FAM131C: variants seen among roughly 807,000 people sequenced by gnomAD.
FAM131C encodes protein FAM131C.
In FAM131C, 14 loss-of-function variants were observed where a neutral mutation model predicts 29.8. That is an observed-to-expected ratio of 0.47 (90% CI 0.31 to 0.73). The LOEUF (loss-of-function observed/expected upper bound fraction) is 0.73, where lower values mean the gene tolerates loss of function less well. Among genes scored for constraint, FAM131C ranks in the 30% least tolerant of loss-of-function variants. The pLI is 0.05. For synonymous variants in FAM131C, 86 were observed against 157.8 expected, an observed-to-expected ratio of 0.54 and a Z score of 3.41; for missense variants, 252 against 383.8, an observed-to-expected ratio of 0.66 and a Z score of 2.87.
At chr1:16,071,901 T>C in intron 1 of FAM131C, among the ~76,000 whole-genome samples, 1 of 152,082 alleles carries the variant, frequency 6.6e-6, no homozygotes, top group East Asian at 1.9e-4. Flanking sequence ...GACCCCAAGG[T>C]GCCTGATATG....
chr1:16,068,049 C>T (rs139222148), intron 1 of FAM131C, among the ~76,000 whole-genome samples: 4 of 152,328 alleles, frequency 2.6e-5, no homozygotes, highest in Non-Finnish European at 5.9e-5. Flanking sequence ...AAAGCGTCCC[C>T]TCATGCTCCT....
chr1:16,067,377 A>C (rs2023695324), intron 1 of FAM131C, among the ~76,000 whole-genome samples: 1 of 152,130 alleles, frequency 6.6e-6, no homozygotes, highest in Admixed American at 6.5e-5. Flanking sequence ...GCTGGGAGGC[A>C]GCCCGAAGGG....
chr1:16,058,536 G>C lies in FAM131C; in HGVS notation c.744C>G (p.Pro248=), dbSNP rs760727574. 4 of 1,524,784 alleles carry C rather than the reference G, an allele frequency of 2.6e-6. No homozygotes were observed. Among genetic ancestry groups the C allele is most frequent in the African/African-American group, 1.4e-5 (1 of 72,840 alleles). 94.5% of individuals were successfully genotyped at this position (1,524,784 alleles called of 1,614,324 possible). Residue 248 remains proline, a synonymous_variant, in exon 7 of 7, where the codon CCC becomes CCG. Transcript: ENST00000375662. ...SPELQHRRRL[P]GAQGPEGGTH... Reference sequence around the variant, plus strand: ...TCCCACCCTCGGGTCCTTGGGCCCCGGGCAGCCGCCGCCGATGCTGCAGCT... The same window carrying C: ...TCCCACCCTCGGGTCCTTGGGCCCCCGGCAGCCGCCGCCGATGCTGCAGCT...
At chr1:16,067,486 T>G (rs2023696368) in intron 1 of FAM131C, among the ~76,000 whole-genome samples, 3 of 152,004 alleles carry the variant, frequency 2.0e-5, no homozygotes, top group Non-Finnish European at 4.4e-5. Flanking sequence ...AGAATTCCCT[T>G]CTCAGACCTG....
At position 16,063,546 on chromosome 1, in the gene FAM131C, A is replaced by T. The variant is rs373229537; in HGVS notation, c.113T>A (p.Val38Glu). ...PDLPSGRTPT[V>E]APDCVIGKDK... ...CTTGCCAATGACACAGTCTGGAGCC[A>T]CGGTGGGAGTGCGGCCCGAGGGCAG... Residue 38 changes from valine (V) to glutamate (E), a missense_variant, in exon 2 of 7, where the codon GTG becomes GAG. Around this residue, in one of 6 missense-constraint regions of FAM131C, gnomAD observed 76 missense variants for 62.8 expected, o/e 1.21. Transcript: ENST00000375662. 6.2e-7 allele frequency: 1 copy of T among 1,613,720 alleles called. No individual in the cohort carries two copies. The highest frequency in any genetic ancestry group is 8.5e-7 in the Non-Finnish European group (1 of 1,179,816).
chr1:16,067,874 C>T (rs1032795467), intron 1 of FAM131C, among the ~76,000 whole-genome samples: 3 of 152,156 alleles, frequency 2.0e-5, no homozygotes, highest in African/African-American at 7.2e-5. Context: ...TCTGGGGCTC[C>T]GTGTCCCAAC....
intron 1 of FAM131C, among the ~76,000 whole-genome samples, chr1:16,071,833 C>T (rs538454252): frequency 5.3e-5 from 8 of 152,184 alleles, no homozygotes; most frequent in East Asian, 1.9e-4. Flanking sequence ...TCTTCCTCCC[C>T]GGCCTCTGTC....
intron 1 of FAM131C, among the ~76,000 whole-genome samples, chr1:16,065,184 G>A (rs764234350): frequency 6.6e-6 from 1 of 151,492 alleles, no homozygotes; most frequent in Non-Finnish European, 1.5e-5. Flanking sequence ...GGGCAAAAGA[G>A]GATTCCCAAT....
intron 1 of FAM131C, among the ~76,000 whole-genome samples, chr1:16,064,051 C>T (rs1017896785): frequency 2.2e-4 from 33 of 152,162 alleles, no homozygotes; most frequent in African/African-American, 7.7e-4. Flanking sequence ...GTCTGACCCT[C>T]CTGCCCTGTG....
At chr1:16,062,472 A>G (rs2023616232) in intron 3 of FAM131C, 27 bp downstream of exon 3, 2 of 1,570,302 alleles carry the variant, frequency 1.3e-6, no homozygotes, top group Non-Finnish European at 1.7e-6. Flanking sequence ...GGGGCCGGCT[A>G]GAATGGGGAC....
At chr1:16,059,422 T>G (rs1176540733) in intron 6 of FAM131C, 72 bp downstream of exon 6, 1 of 1,567,292 alleles carries the variant, frequency 6.4e-7, no homozygotes, top group East Asian at 2.3e-5. Context: ...CACACTGCCT[T>G]TGGTGATGGG....
chr1:16,063,238 C>T (rs914179055), intron 2 of FAM131C, among the ~76,000 whole-genome samples: 9 of 151,352 alleles, frequency 5.9e-5, no homozygotes, highest in African/African-American at 9.7e-5. Context: ...TCAGGAGTAG[C>T]GGGCTGGTAG....
intron 1 of FAM131C, among the ~76,000 whole-genome samples, chr1:16,064,198 G>A (rs1049680458): frequency 4.0e-5 from 6 of 151,894 alleles, no homozygotes; most frequent in African/African-American, 1.2e-4. Flanking sequence ...CTGCCAGGTT[G>A]ACAGCTTCAC....
intron 1 of FAM131C, among the ~76,000 whole-genome samples, chr1:16,069,314 G>A (rs900644285): frequency 3.9e-5 from 6 of 152,142 alleles, no homozygotes; most frequent in Non-Finnish European, 5.9e-5. Context: ...GTGAGCTCCC[G>A]AAGGGCAAGG....
intron 1 of FAM131C, among the ~76,000 whole-genome samples, chr1:16,072,323 C>T (rs1202423404): frequency 6.6e-6 from 1 of 152,212 alleles, no homozygotes; most frequent in Non-Finnish European, 1.5e-5. Context: ...TGAGCAGAAG[C>T]CCTTCGAGTC....
chr1:16,073,553 G>T lies in FAM131C; in HGVS notation c.-111C>A. The T allele has an allele frequency of 2.1e-6, 1 of 485,050 alleles. No homozygotes were observed. The allele number at this position is 485,050 out of a possible 1,614,324, so 30.0% of individuals were successfully genotyped here. ...TGCGGAGCCAGAGGACGGGCGGGGC[G>T]GGGGGCTCGGGCGCCCTCAGCTCGG... On this transcript the variant is annotated 5_prime_UTR_variant, in exon 1 of 7. Coordinates refer to ENST00000375662, the MANE Select transcript of FAM131C (RefSeq NM_182623.3).
chr1:16,061,047 G>A (rs2023585370), intron 4 of FAM131C, among the ~76,000 whole-genome samples: 1 of 152,166 alleles, frequency 6.6e-6, no homozygotes, highest in Non-Finnish European at 1.5e-5. Context: ...AACCAAGGCT[G>A]AGAATAGATC....
Position 16,073,541 on chromosome 1 carries a change from G to C in FAM131C, c.-99C>G, listed in dbSNP as rs988632584. 5 of 658,610 alleles carry C rather than the reference G, an allele frequency of 7.6e-6. No homozygotes were observed. The African/African-American group carries it at 9.5e-5, about 13-fold the overall frequency. 40.8% of individuals were successfully genotyped at this position (658,610 alleles called of 1,614,324 possible). Reference sequence around the variant, plus strand: ...GGGGCTGAGCGCTGCGGAGCCAGAGGACGGGCGGGGCGGGGGGCTCGGGCG... The same window carrying C: ...GGGGCTGAGCGCTGCGGAGCCAGAGCACGGGCGGGGCGGGGGGCTCGGGCG... On this transcript the variant is annotated 5_prime_UTR_variant, in exon 1 of 7. Transcript: ENST00000375662.
intron 1 of FAM131C, among the ~76,000 whole-genome samples, chr1:16,068,113 T>C (rs892557496): frequency 6.6e-6 from 1 of 152,252 alleles, no homozygotes; most frequent in South Asian, 2.1e-4. Context: ...CTGCAGCCGA[T>C]GCGGCCCCTC....
Sources: allele counts gnomAD v4.1 joint callset (sites outside exome capture counted in the v4.1 genomes callset), GRCh38; gene constraint gnomAD v4.1.1; regional missense constraint gnomAD v4.1.1; transcripts MANE v1.5; gene names NCBI Gene and HGNC (gene_info 2026-07-23, HGNC 2026-07-21).